Variants in PPHLN1 observed in about 807,000 individuals in gnomAD.
PPHLN1 encodes the protein periphilin-1.
In PPHLN1, 29 loss-of-function variants were observed where a neutral mutation model predicts 51.3. The observed-to-expected ratio is 0.57, with a 90% CI of 0.42 to 0.77. PPHLN1 has a LOEUF of 0.77. PPHLN1 is among the 30% of genes least tolerant of loss of function. The probability of loss-of-function intolerance (pLI) is 0.00; values close to 1 mark genes in which losing one functional copy is unlikely to be tolerated. For synonymous variants in PPHLN1, 147 were observed against 147.8 expected, an observed-to-expected ratio of 0.99 and a Z score of 0.04; for missense variants, 436 against 438.4, an observed-to-expected ratio of 0.99 and a Z score of 0.05.
intron 4 of PPHLN1, chr12:42,355,530 A>C: frequency 4.5e-6 from 1 of 220,842 alleles, no homozygotes; most frequent in Non-Finnish European, 8.9e-6. Context: ...TGAGGTTAGG[A>C]GTTTGATACC....
chr12:42,393,655 A>C lies in PPHLN1; in HGVS notation c.734A>C (p.Asp245Ala). 1 of 1,610,232 alleles carries C rather than the reference A, an allele frequency of 6.2e-7. No homozygotes were observed. The highest frequency in any genetic ancestry group is 2.2e-5 in the East Asian group (1 of 44,714). ...KWAAEKLEKS[D>A]ESNLPEISEY... ...GCTGCTGAAAAGCTAGAGAAATCAG[A>C]TGAAAGTAACTTGCCTGAAATTTCT... Residue 245 changes from aspartate to alanine, a missense_variant, in exon 8 of 10, where the codon GAT becomes GCT. Coordinates refer to ENST00000358314, the MANE Select transcript of PPHLN1 (RefSeq NM_201439.2).
At chr12:42,426,511 A>G (rs1414394187) in intron 9 of PPHLN1, among the ~76,000 whole-genome samples, 2 of 152,124 alleles carry the variant, frequency 1.3e-5, no homozygotes, top group Non-Finnish European at 2.9e-5. Flanking sequence ...CACTATTTTT[A>G]TAAAAAAAGG....
chr12:42,406,514 C>T (rs943033129), intron 9 of PPHLN1, among the ~76,000 whole-genome samples: 1 of 152,126 alleles, frequency 6.6e-6, no homozygotes, highest in African/African-American at 2.4e-5. Flanking sequence ...TTTTAATTTG[C>T]ATTTGCCTGA....
intron 9 of PPHLN1, chr12:42,399,491 T>C (rs1177487488): frequency 1.1e-6 from 1 of 871,484 alleles, no homozygotes; most frequent in Non-Finnish European, 1.4e-6. Context: ...TATGGGGTTA[T>C]TTTCATTTTA....
intron 2 of PPHLN1, among the ~76,000 whole-genome samples, chr12:42,341,646 G>A (rs970947337): frequency 2.0e-5 from 3 of 151,664 alleles, no homozygotes; most frequent in East Asian, 1.9e-4. Context: ...TTTTTGAGGC[G>A]GAGTCTGGCT....
intron 4 of PPHLN1, among the ~76,000 whole-genome samples, chr12:42,366,054 C>T (rs919485670): frequency 3.3e-5 from 5 of 152,014 alleles, no homozygotes; most frequent in African/African-American, 1.2e-4. Context: ...ATTTATGGAA[C>T]AGTATTAAAA....
downstream of PPHLN1, chr12:42,446,080 G>T (rs1209313193): frequency 5.2e-6 from 8 of 1,550,848 alleles, no homozygotes; most frequent in Non-Finnish European, 7.0e-6. Context: ...CGCAGCCCCC[G>T]CAGGCCCCGC....
rs1166794376 is a variant in PPHLN1, at chr12:42,371,729, A to C, written c.300-3134A>C. Among the ~76,000 whole-genome samples, 4 of 152,306 alleles carry C rather than the reference A, an allele frequency of 2.6e-5. No homozygotes were observed. The South Asian group carries it at 6.2e-4, about 24-fold the overall frequency. On this transcript the variant is annotated intron_variant, in intron 4 of 9. Transcript: ENST00000358314. ...TCTGTAAGCATAAAATGCACACTGG[A>C]TTTTTAATATTTAGGTTGAAAAAGA...
downstream of PPHLN1, chr12:42,446,282 T>C: frequency 6.3e-7 from 1 of 1,591,098 alleles, no homozygotes; most frequent in Non-Finnish European, 8.6e-7. Flanking sequence ...ACATTGCAAC[T>C]CACGCAAGGT....
intron 1 of PPHLN1, chr12:42,331,662 C>T (rs1333398377): frequency 1.3e-5 from 2 of 152,180 alleles, no homozygotes; most frequent in Non-Finnish European, 2.9e-5. Context: ...GTTATTAGCG[C>T]ACTTCTGAAT....
rs2076074554 is a variant in PPHLN1, at chr12:42,374,534, G to A, written c.300-329G>A. 1.5e-5 allele frequency: 3 copies of A among 204,382 alleles called. No individual in the cohort carries two copies. The South Asian group carries it at 2.2e-4, about 15-fold the overall frequency. The allele number at this position is 204,382 out of a possible 1,614,324, so 12.7% of individuals were successfully genotyped here. A position where few individuals can be genotyped will look rare whatever the true frequency, so the allele number is the denominator to read the frequency against. ...GGCTCACTGCAAGCTCCGCCTCCCA[G>A]GTTCACGCTGTTCTCCTGCCTCAGC... is the stretch of plus-strand genomic sequence containing the variant. On this transcript the variant is annotated intron_variant, in intron 4 of 9. Transcript: ENST00000358314.
chr12:42,369,498 G>A (rs1435918175), intron 4 of PPHLN1, among the ~76,000 whole-genome samples: 1 of 152,172 alleles, frequency 6.6e-6, no homozygotes, highest in Non-Finnish European at 1.5e-5. Flanking sequence ...AGGGTATAGG[G>A]TAAATAGACA....
At chr12:42,433,045 G>T in intron 9 of PPHLN1, 1 of 911,876 alleles carries the variant, frequency 1.1e-6, no homozygotes, top group Non-Finnish European at 1.9e-6. Context: ...AATCCACTGT[G>T]CATTTAAAGA....
intron 4 of PPHLN1, among the ~76,000 whole-genome samples, chr12:42,358,030 C>T (rs1565813804): frequency 6.6e-6 from 1 of 152,162 alleles, no homozygotes; most frequent in Non-Finnish European, 1.5e-5. Context: ...CCTGCAGTTC[C>T]ATGCATGTTG....
intron 2 of PPHLN1, among the ~76,000 whole-genome samples, chr12:42,347,821 C>G (rs2072591325): frequency 6.6e-6 from 1 of 152,164 alleles, no homozygotes; most frequent in Non-Finnish European, 1.5e-5. Context: ...TGCCACTCAT[C>G]ATAGATTTTA....
intron 9 of PPHLN1, among the ~76,000 whole-genome samples, chr12:42,409,110 T>C (rs537280080): frequency 1.3e-5 from 2 of 152,294 alleles, no homozygotes; most frequent in South Asian, 4.1e-4. Flanking sequence ...TCAAAATATC[T>C]TATTGTACTA....
At chr12:42,414,333 C>T (rs1029678932) in intron 9 of PPHLN1, among the ~76,000 whole-genome samples, 7 of 152,060 alleles carry the variant, frequency 4.6e-5, no homozygotes, top group Admixed American at 3.3e-4. Flanking sequence ...CCGCGGCCGG[C>T]GATGTTGGTA....
downstream of PPHLN1, chr12:42,447,866 TA>T (rs1229278762): frequency 1.3e-5 from 2 of 152,348 alleles, no homozygotes; most frequent in East Asian, 3.9e-4. Flanking sequence ...AATTTTTTTT[TA>T]ATTTCCTAAA....
chr12:42,344,578 TTTAAA>T (rs1207857806), intron 2 of PPHLN1, among the ~76,000 whole-genome samples: 1 of 152,192 alleles, frequency 6.6e-6, no homozygotes. Context: ...ATACTTTCAT[TTTAAA>T]TTAAATGATT....
Sources: allele counts gnomAD v4.1 joint callset (sites outside exome capture counted in the v4.1 genomes callset), GRCh38; gene constraint gnomAD v4.1.1; transcripts MANE v1.5; gene names NCBI Gene and HGNC (gene_info 2026-07-23, HGNC 2026-07-21).